RABGAP1L: variants seen among roughly 807,000 people sequenced by gnomAD.
RABGAP1L encodes RAB GTPase activating protein 1 like, also known as rab GTPase-activating protein 1-like.
In RABGAP1L, 63 loss-of-function variants were observed where a neutral mutation model predicts 137.7. The ratio of observed to expected loss-of-function variants is 0.46; its 90% confidence interval spans 0.37 to 0.56. RABGAP1L has a LOEUF of 0.56. RABGAP1L is among the 20% of genes least tolerant of loss of function. RABGAP1L has a pLI of 0.00. For missense variants in RABGAP1L, 1,095 were observed against 1,244.0 expected (o/e 0.88, Z 1.80); for synonymous variants, 431 against 433.7 (o/e 0.99, Z 0.08).
chr1:174,699,447 A>AT, intron 15 of RABGAP1L, 78 bp from the exon 16 acceptor site: 3 of 1,391,958 alleles, frequency 2.2e-6, no homozygotes, highest in Admixed American at 4.0e-5. Context: ...GCAGAGGACT[A>AT]ATAACATGAA....
intron 13 of RABGAP1L, among the ~76,000 whole-genome samples, chr1:174,625,244 T>G (rs909954242): frequency 6.6e-6 from 1 of 152,198 alleles, no homozygotes. Flanking sequence ...TCTTCCCTAC[T>G]ACCAGATTAT....
At chr1:174,810,162 A>G (rs529406986) in intron 18 of RABGAP1L, among the ~76,000 whole-genome samples, 1 of 152,340 alleles carries the variant, frequency 6.6e-6, no homozygotes, top group South Asian at 2.1e-4. Context: ...CAAAAGAGAG[A>G]TGAAAGTAGA....
intron 10 of RABGAP1L, among the ~76,000 whole-genome samples, chr1:174,291,216 A>G (rs547104651): frequency 8.6e-5 from 13 of 151,870 alleles, no homozygotes; most frequent in African/African-American, 1.9e-4. Context: ...ATTTTTCTGC[A>G]TCTTTGTGGT....
At position 174,290,416 on chromosome 1, in the gene RABGAP1L, G is replaced by C. The variant is rs138556432; in HGVS notation, c.1323+11637G>C. On this transcript the variant is annotated intron_variant, in intron 10 of 25. Coordinates refer to ENST00000681986, the MANE Select transcript of RABGAP1L (RefSeq NM_001366446.1). ...AGCAAATCTCTCTTGGCATGAGGCT[G>C]TTTTGGCCTGGGGTAGTGGCAACAT... is the stretch of plus-strand genomic sequence containing the variant. Among the ~76,000 whole-genome samples, 104 of 152,328 alleles carry C rather than the reference G, an allele frequency of 6.8e-4. 1 individual carries two copies. Among genetic ancestry groups the C allele is most frequent in the African/African-American group, 2.3e-3 (95 of 41,580 alleles).
chr1:174,318,702 A>G (rs761321713), intron 11 of RABGAP1L, among the ~76,000 whole-genome samples: 3 of 147,714 alleles, frequency 2.0e-5, no homozygotes, highest in Non-Finnish European at 4.5e-5. Flanking sequence ...GTGATTAATA[A>G]TATTTTATAA....
chr1:174,852,988 C>T (rs1327822610), intron 19 of RABGAP1L, among the ~76,000 whole-genome samples: 1 of 151,888 alleles, frequency 6.6e-6, no homozygotes, highest in East Asian at 1.9e-4. Flanking sequence ...TGTTATTTAT[C>T]TTTAGGAAAT....
At chr1:174,530,388 T>C (rs1165893037) in intron 13 of RABGAP1L, among the ~76,000 whole-genome samples, 22 of 152,122 alleles carry the variant, frequency 1.4e-4, no homozygotes, top group Admixed American at 1.4e-3. Flanking sequence ...TGTAGCTGTT[T>C]AGGTCTCAGG....
intron 13 of RABGAP1L, among the ~76,000 whole-genome samples, chr1:174,560,544 A>G (rs1667145481): frequency 6.6e-6 from 1 of 152,202 alleles, no homozygotes; most frequent in Non-Finnish European, 1.5e-5. Context: ...ATGGAGAACC[A>G]CTACTTTATT....
intron 14 of RABGAP1L, among the ~76,000 whole-genome samples, chr1:174,649,069 C>T (rs1446155314): frequency 6.6e-6 from 1 of 152,058 alleles, no homozygotes; most frequent in African/African-American, 2.4e-5. Context: ...ATTCCCCCAT[C>T]TCTTTATTTT....
intron 16 of RABGAP1L, 53 bp from the exon 17 acceptor site, chr1:174,702,060 T>C: frequency 6.4e-7 from 1 of 1,551,596 alleles, no homozygotes; most frequent in South Asian, 1.2e-5. Context: ...AGGAACTTCA[T>C]TGTTCTGCTG....
At chr1:174,161,894 A>G (rs142286863) in intron 1 of RABGAP1L, among the ~76,000 whole-genome samples, 15 of 152,142 alleles carry the variant, frequency 9.9e-5, no homozygotes, top group Admixed American at 7.9e-4. Flanking sequence ...AAACCTGGCT[A>G]ATTTTTTGTT....
intron 11 of RABGAP1L, among the ~76,000 whole-genome samples, chr1:174,307,465 C>T (rs939918511): frequency 3.9e-5 from 6 of 152,094 alleles, no homozygotes; most frequent in African/African-American, 1.4e-4. Flanking sequence ...TCTGTTCTCC[C>T]CTTTCCCTTC....
intron 20 of RABGAP1L, chr1:174,958,191 G>A: frequency 1.5e-6 from 2 of 1,378,798 alleles, no homozygotes; most frequent in Non-Finnish European, 1.9e-6. Context: ...GAGCACAGTA[G>A]TGGTGTTTGT....
chr1:174,803,105 A>G (rs577920320), intron 18 of RABGAP1L, among the ~76,000 whole-genome samples: 1 of 152,324 alleles, frequency 6.6e-6, no homozygotes, highest in Non-Finnish European at 1.5e-5. Flanking sequence ...AATCAAATAA[A>G]TGAAGATTTA....
At chr1:174,818,047 A>C (rs558350349) in intron 19 of RABGAP1L, among the ~76,000 whole-genome samples, 1 of 152,372 alleles carries the variant, frequency 6.6e-6, no homozygotes, top group African/African-American at 2.4e-5. Flanking sequence ...ACATATCCAC[A>C]ACTCATATCC....
chr1:174,274,675 T>C (rs1354154992), intron 8 of RABGAP1L, among the ~76,000 whole-genome samples: 2 of 151,042 alleles, frequency 1.3e-5, no homozygotes, highest in African/African-American at 4.9e-5. Context: ...TATGAGTGTG[T>C]TGGGGCTGCT....
intron 18 of RABGAP1L, among the ~76,000 whole-genome samples, chr1:174,777,803 T>C (rs747396015): frequency 2.6e-5 from 4 of 152,098 alleles, no homozygotes; most frequent in Non-Finnish European, 5.9e-5. Context: ...AAGAAAAGAT[T>C]AGTGAACTTG....
intron 13 of RABGAP1L, among the ~76,000 whole-genome samples, chr1:174,446,413 T>C (rs1219618929): frequency 6.6e-6 from 1 of 152,258 alleles, no homozygotes; most frequent in African/African-American, 2.4e-5. Context: ...GTTAAGCTGC[T>C]GCATTGTTCC....
At chr1:174,212,144 T>C (rs531323724) in intron 1 of RABGAP1L, among the ~76,000 whole-genome samples, 72 of 152,272 alleles carry the variant, frequency 4.7e-4, no homozygotes, top group Admixed American at 1.5e-3. Context: ...TAGATGTTTA[T>C]AGAACATTTA....
Sources: allele counts gnomAD v4.1 joint callset (sites outside exome capture counted in the v4.1 genomes callset), GRCh38; gene constraint gnomAD v4.1.1; transcripts MANE v1.5; gene names NCBI Gene and HGNC (gene_info 2026-07-23, HGNC 2026-07-21).